Variants in CACNA2D3 observed in about 807,000 individuals in gnomAD.
The protein encoded by CACNA2D3 is voltage-dependent calcium channel subunit alpha-2/delta-3.
A neutral mutation model predicts 160.6 loss-of-function variants in CACNA2D3; 60 were observed. That is an observed-to-expected ratio of 0.37 (90% confidence interval 0.30 to 0.46). CACNA2D3 has a LOEUF of 0.46. Among genes scored for constraint, CACNA2D3 ranks in the 20% least tolerant of loss-of-function variants. The pLI is 1.00. For synonymous variants in CACNA2D3, 558 were observed against 492.9 expected, an observed-to-expected ratio of 1.13 and a Z score of -1.75; for missense variants, 1,205 against 1,365.0, an observed-to-expected ratio of 0.88 and a Z score of 1.85.
intron 11 of CACNA2D3, among the ~76,000 whole-genome samples, chr3:54,717,235 A>C (rs1374601500): frequency 1.3e-5 from 2 of 152,134 alleles, no homozygotes; most frequent in East Asian, 3.9e-4. Context: ...GCATAGATGG[A>C]TATGTAGACT....
chr3:54,969,696 G>A (rs1334430543), intron 28 of CACNA2D3, 104 bp from the exon 29 acceptor site: 2 of 838,966 alleles, frequency 2.4e-6, no homozygotes, highest in Non-Finnish European at 3.9e-6. Flanking sequence ...TCTAGCCCAT[G>A]ACTTGGATAG....
At chr3:54,612,628 G>T (rs1020594063) in intron 9 of CACNA2D3, among the ~76,000 whole-genome samples, 1 of 152,162 alleles carries the variant, frequency 6.6e-6, no homozygotes, top group South Asian at 2.1e-4. Context: ...TCAATTAGAG[G>T]TGAGTAGAGA....
chr3:54,734,394 G>T (rs372168607), intron 11 of CACNA2D3, among the ~76,000 whole-genome samples: 37 of 152,316 alleles, frequency 2.4e-4, no homozygotes, highest in African/African-American at 8.7e-4. Context: ...AGTGAAGTCA[G>T]TTCACAGGAA....
chr3:54,946,101 G>A (rs944042305), intron 27 of CACNA2D3, among the ~76,000 whole-genome samples: 2 of 152,208 alleles, frequency 1.3e-5, no homozygotes, highest in African/African-American at 4.8e-5. Context: ...ATAAAAAGCA[G>A]TATGCATTGA....
chr3:54,860,016 A>AG (rs1699257633), intron 17 of CACNA2D3, among the ~76,000 whole-genome samples: 1 of 151,114 alleles, frequency 6.6e-6, no homozygotes, highest in Non-Finnish European at 1.5e-5. Flanking sequence ...ACACACACAA[A>AG]CACACATATT....
intron 10 of CACNA2D3, among the ~76,000 whole-genome samples, chr3:54,633,385 A>G (rs1287753925): frequency 6.6e-6 from 1 of 152,166 alleles, no homozygotes; most frequent in African/African-American, 2.4e-5. Flanking sequence ...AAATAAAGAT[A>G]ATGATAGCGT....
chr3:54,191,508 T>C (rs2107337145), intron 2 of CACNA2D3, among the ~76,000 whole-genome samples: 1 of 152,262 alleles, frequency 6.6e-6, no homozygotes, highest in Non-Finnish European at 1.5e-5. Flanking sequence ...TGTAATCTAG[T>C]ACCCAGGGAG....
At chr3:54,212,383 A>C (rs1261077527) in intron 2 of CACNA2D3, among the ~76,000 whole-genome samples, 1 of 152,166 alleles carries the variant, frequency 6.6e-6, no homozygotes, top group Non-Finnish European at 1.5e-5. Context: ...AGATTTAAAC[A>C]ATTTCTGATT....
chr3:54,464,728 G>C (rs74844972), intron 4 of CACNA2D3, among the ~76,000 whole-genome samples: 6,459 of 152,306 alleles, frequency 0.042, 477 homozygotes, highest in African/African-American at 0.15. Context: ...CGCGCTTCCT[G>C]AGTGAGGCAA....
At chr3:54,401,146 A>G in intron 4 of CACNA2D3, among the ~76,000 whole-genome samples, 1 of 152,114 alleles carries the variant, frequency 6.6e-6, no homozygotes, top group Admixed American at 6.6e-5. Flanking sequence ...CAAGCAGAAG[A>G]AAGAAACTCT....
chr3:54,407,828 A>G (rs1427343561), intron 4 of CACNA2D3, among the ~76,000 whole-genome samples: 1 of 152,172 alleles, frequency 6.6e-6, no homozygotes, highest in Non-Finnish European at 1.5e-5. Flanking sequence ...TTTAGGATCT[A>G]GTAGTTTCAT....
intron 4 of CACNA2D3, among the ~76,000 whole-genome samples, chr3:54,480,809 G>A (rs1700920908): frequency 6.6e-6 from 1 of 152,178 alleles, no homozygotes; most frequent in Non-Finnish European, 1.5e-5. Flanking sequence ...TGAAATGTAT[G>A]AAAGCTGGGA....
intron 4 of CACNA2D3, among the ~76,000 whole-genome samples, chr3:54,402,463 C>CA (rs1008834208): frequency 6.6e-5 from 10 of 150,762 alleles, no homozygotes; most frequent in South Asian, 2.1e-4. Flanking sequence ...AAATGGCAAC[C>CA]AAAAAAAAGA....
At chr3:54,920,262 A>C (rs1332433546) in intron 27 of CACNA2D3, among the ~76,000 whole-genome samples, 1 of 152,222 alleles carries the variant, frequency 6.6e-6, no homozygotes, top group African/African-American at 2.4e-5. Flanking sequence ...AGCTTACTAC[A>C]AGATAAGTCA....
chr3:54,924,682 G>A lies in CACNA2D3; in HGVS notation c.2449+24814G>A, dbSNP rs775115035. ...AGCAAGTGGCAATTGCATTTCCAGA[G>A]GTTGTCCTTGAGAAGTAAAAGCCTC... On this transcript the variant is annotated intron_variant, in intron 27 of 37. Transcript: ENST00000474759. The A allele has an allele frequency of 3.7e-6, 6 of 1,614,128 alleles. No homozygotes were observed. In the East Asian group the frequency reaches 8.9e-5, roughly 24 times the overall value.
intron 9 of CACNA2D3, among the ~76,000 whole-genome samples, chr3:54,588,050 C>G (rs1472059145): frequency 4.6e-5 from 7 of 152,136 alleles, no homozygotes; most frequent in Non-Finnish European, 1.0e-4. Context: ...AACTTACATG[C>G]AAGAATCCTC....
At chr3:54,202,015 A>G (rs1030563839) in intron 2 of CACNA2D3, among the ~76,000 whole-genome samples, 2 of 152,242 alleles carry the variant, frequency 1.3e-5, no homozygotes, top group African/African-American at 2.4e-5. Context: ...TTTCAGATAA[A>G]TAACACATAA....
At chr3:54,254,923 A>T (rs1412653320) in intron 2 of CACNA2D3, among the ~76,000 whole-genome samples, 1 of 152,238 alleles carries the variant, frequency 6.6e-6, no homozygotes, top group Non-Finnish European at 1.5e-5. Context: ...CCTGTCCTCC[A>T]GCCCCAGCTC....
At chr3:54,648,011 C>T (rs930900620) in intron 11 of CACNA2D3, among the ~76,000 whole-genome samples, 1 of 152,086 alleles carries the variant, frequency 6.6e-6, no homozygotes, top group African/African-American at 2.4e-5. Flanking sequence ...GCTGCATTCA[C>T]TTTATGTAGC....
Sources: gnomAD v4.1 joint callset for allele counts (sites outside exome capture counted in the v4.1 genomes callset) on GRCh38, gnomAD v4.1.1 for gene constraint, MANE v1.5 for transcripts, NCBI Gene and HGNC (gene_info 2026-07-23, HGNC 2026-07-21) for gene names.